DOCK8: variants seen among roughly 807,000 people sequenced by gnomAD.
The protein encoded by DOCK8 is dedicator of cytokinesis protein 8.
A neutral mutation model predicts 245.6 loss-of-function variants in DOCK8; 141 were observed. That is an observed-to-expected ratio of 0.57 (90% CI 0.50 to 0.66). The LOEUF (loss-of-function observed/expected upper bound fraction) is 0.66. Ranked by LOEUF, DOCK8 falls within the 30% of genes least tolerant of loss-of-function variation. DOCK8 has a pLI of 0.00. For missense variants in DOCK8, 2,965 were observed against 2,603.4 expected (o/e 1.14, Z -3.02); for synonymous variants, 1,168 against 970.2 (o/e 1.20, Z -3.79).
chr9:256,227 A>G (rs1012969931), intron 1 of DOCK8, among the ~76,000 whole-genome samples: 2 of 152,198 alleles, frequency 1.3e-5, no homozygotes, highest in Non-Finnish European at 2.9e-5. Flanking sequence ...GCAGAACAAT[A>G]AAGGACATGG....
intron 1 of DOCK8, among the ~76,000 whole-genome samples, chr9:247,411 C>G (rs1242431240): frequency 6.6e-6 from 1 of 152,114 alleles, no homozygotes; most frequent in African/African-American, 2.4e-5. Context: ...TTTTCGACAG[C>G]AAATATTTTG....
intron 8 of DOCK8, among the ~76,000 whole-genome samples, chr9:327,061 C>T (rs2050795146): frequency 6.6e-6 from 1 of 152,206 alleles, no homozygotes; most frequent in Non-Finnish European, 1.5e-5. Context: ...ACCAGGCTTT[C>T]TTCATGATGG....
intron 1 of DOCK8, among the ~76,000 whole-genome samples, chr9:247,620 G>T (rs1057119766): frequency 6.6e-6 from 1 of 152,012 alleles, no homozygotes; most frequent in African/African-American, 2.4e-5. Flanking sequence ...TGCAAGCTCC[G>T]CCTCCCGGGT....
At chr9:287,666 G>T (rs545832230) in intron 3 of DOCK8, among the ~76,000 whole-genome samples, 1 of 152,226 alleles carries the variant, frequency 6.6e-6, no homozygotes, top group East Asian at 1.9e-4. Flanking sequence ...GTGTAGCTCT[G>T]ATGTTTTAAA....
intron 5 of DOCK8, among the ~76,000 whole-genome samples, chr9:309,733 C>T (rs965785097): frequency 1.3e-5 from 2 of 152,156 alleles, no homozygotes; most frequent in Non-Finnish European, 2.9e-5. Flanking sequence ...AAAAGTGTTG[C>T]CCACTCCCAC....
At position 427,060 on chromosome 9, in the gene DOCK8, G is replaced by T. The variant is rs895262799; in HGVS notation, c.4338+79G>T. On this transcript the variant is annotated intron_variant, in intron 34 of 47. Coordinates refer to ENST00000432829, the MANE Select transcript of DOCK8 (RefSeq NM_203447.4). ...AATAAGGACTTCTTTATGCAAAATT[G>T]TGAAAGACATAAATGTGATCCCATA... 6 of 1,238,040 alleles carry T rather than the reference G, an allele frequency of 4.8e-6. No homozygotes were observed. The Middle Eastern group carries it at 5.6e-4, about 115-fold the overall frequency. 76.7% of individuals were successfully genotyped at this position (1,238,040 alleles called of 1,614,324 possible). A position where few individuals can be genotyped will look rare whatever the true frequency, so the allele number is the denominator to read the frequency against.
intron 28 of DOCK8, among the ~76,000 whole-genome samples, chr9:411,824 G>A (rs1411351447): frequency 6.6e-6 from 1 of 152,030 alleles, no homozygotes; most frequent in African/African-American, 2.4e-5. Context: ...ATAAAATAAA[G>A]GACAAAACCC....
In DOCK8 at chr9:334,265, C is replaced by G; in HGVS notation, c.1166C>G (p.Ser389Cys). ...GAAAAACTAAAACTCCAAGCTGAAT[C>G]CTTCTGCCAGCGTTTGGGGAAATAC... Reference protein sequence around the residue: ...KIEKLKLQAESFCQRLGKYRM... With the variant: ...KIEKLKLQAECFCQRLGKYRM... Residue 389 changes from serine to cysteine, a missense_variant, in exon 11 of 48, where the codon TCC (serine) becomes TGC (cysteine). Coordinates refer to ENST00000432829, the MANE Select transcript of DOCK8 (RefSeq NM_203447.4). 1 of 1,614,212 alleles carries G rather than the reference C, an allele frequency of 6.2e-7. No homozygotes were observed. The highest frequency in any genetic ancestry group is 8.5e-7 in the Non-Finnish European group (1 of 1,180,040).
chr9:353,724 G>A (rs894949185), intron 14 of DOCK8, among the ~76,000 whole-genome samples: 1 of 152,146 alleles, frequency 6.6e-6, no homozygotes, highest in Non-Finnish European at 1.5e-5. Flanking sequence ...TATGCAAATG[G>A]TGTCTTGAAA....
intron 21 of DOCK8, chr9:380,784 C>T (rs1201502785): frequency 1.7e-5 from 1 of 58,624 alleles, no homozygotes; most frequent in Non-Finnish European, 3.3e-5. Context: ...CATCTGCAAC[C>T]CCAGCACTCT....
chr9:232,741 T>C (rs1430954274), intron 1 of DOCK8, among the ~76,000 whole-genome samples: 1 of 152,184 alleles, frequency 6.6e-6, no homozygotes, highest in African/African-American at 2.4e-5. Context: ...TCGGTGGTGA[T>C]ATCCCCTTTA....
intron 5 of DOCK8, among the ~76,000 whole-genome samples, chr9:307,982 C>T (rs562871543): frequency 6.6e-6 from 1 of 152,226 alleles, no homozygotes; most frequent in Non-Finnish European, 1.5e-5. Flanking sequence ...CATGATCTCA[C>T]TTATATGTGG....
At chr9:342,167 C>G (rs1381886438) in intron 14 of DOCK8, among the ~76,000 whole-genome samples, 1 of 152,098 alleles carries the variant, frequency 6.6e-6, no homozygotes, top group Non-Finnish European at 1.5e-5. Flanking sequence ...CCCGCTGCCA[C>G]CCCAGTCCAT....
chr9:228,201 A>G (rs2047029817), intron 1 of DOCK8, among the ~76,000 whole-genome samples: 1 of 152,190 alleles, frequency 6.6e-6, no homozygotes, highest in Non-Finnish European at 1.5e-5. Flanking sequence ...CAAATATGAC[A>G]TACAATGCTG....
chr9:250,626 T>C (rs531065267), intron 1 of DOCK8, among the ~76,000 whole-genome samples: 18 of 152,226 alleles, frequency 1.2e-4, no homozygotes, highest in African/African-American at 4.3e-4. Flanking sequence ...CATAGTACTA[T>C]CATTTGGGAG....
At chr9:214,319 A>C, upstream of DOCK8, 1 of 597,528 alleles carries the variant, frequency 1.7e-6, no homozygotes, top group South Asian at 2.2e-5. Context: ...TGTGACGAAA[A>C]CATTTTTTGA....
At chr9:340,368 C>A (rs1490767045) in intron 14 of DOCK8, 47 bp downstream of exon 14, 1 of 1,611,436 alleles carries the variant, frequency 6.2e-7, no homozygotes, top group African/African-American at 1.3e-5. Context: ...ACACCATAAT[C>A]CCATAACTTT....
chr9:245,218 T>C (rs188753523), intron 1 of DOCK8, among the ~76,000 whole-genome samples: 223 of 152,298 alleles, frequency 1.5e-3, no homozygotes, highest in African/African-American at 5.2e-3. Flanking sequence ...ATTTATTTAT[T>C]TTTTGAGATG....
intron 1 of DOCK8, among the ~76,000 whole-genome samples, chr9:216,838 A>C (rs1018428958): frequency 6.6e-6 from 1 of 152,186 alleles, no homozygotes; most frequent in Non-Finnish European, 1.5e-5. Context: ...TCCTACAGGC[A>C]GTCTTGCAAG....
Sources: gnomAD v4.1 joint callset for allele counts (sites outside exome capture counted in the v4.1 genomes callset) on GRCh38, gnomAD v4.1.1 for gene constraint, MANE v1.5 for transcripts, NCBI Gene and HGNC (gene_info 2026-07-23, HGNC 2026-07-21) for gene names.